PCDHA3: variants seen among roughly 807,000 people sequenced by gnomAD.
PCDHA3 encodes the protein protocadherin alpha 3.
PCDHA3 carries 41 observed loss-of-function variants against 62.2 expected under a neutral mutation model. That is an observed-to-expected ratio of 0.66 (90% CI 0.51 to 0.86). The LOEUF (loss-of-function observed/expected upper bound fraction) is 0.86. Among genes scored for constraint, PCDHA3 ranks in the 40% least tolerant of loss-of-function variants. PCDHA3 has a pLI of 0.00. For synonymous variants in PCDHA3, 640 were observed against 555.4 expected (o/e 1.15, Z -2.14); for missense variants, 1,304 against 1,241.2 (o/e 1.05, Z -0.76).
chr5:140,936,270 T>C (rs1367001317), intron 1 of PCDHA3, among the ~76,000 whole-genome samples: 1 of 152,226 alleles, frequency 6.6e-6, no homozygotes, highest in African/African-American at 2.4e-5. Flanking sequence ...GAAGATATAT[T>C]CCTGTGTTTT....
At chr5:140,974,009 A>C (rs1554235749) in intron 1 of PCDHA3, among the ~76,000 whole-genome samples, 2 of 152,236 alleles carry the variant, frequency 1.3e-5, no homozygotes, top group African/African-American at 4.8e-5. Flanking sequence ...TGTTTTGTGC[A>C]TGTGATAATA....
chr5:140,938,928 T>G (rs1220764640), intron 1 of PCDHA3, among the ~76,000 whole-genome samples: 2 of 152,104 alleles, frequency 1.3e-5, no homozygotes, highest in African/African-American at 4.8e-5. Flanking sequence ...AAATTGGCTT[T>G]TAACTTTCCA....
chr5:140,995,544 A>T (rs2097688289), intron 3 of PCDHA3, among the ~76,000 whole-genome samples: 1 of 152,234 alleles, frequency 6.6e-6, no homozygotes, highest in African/African-American at 2.4e-5. Context: ...ATAAGGGGCG[A>T]TCACTGTACT....
In PCDHA3 at chr5:140,849,729, G is replaced by A. The variant is rs1180272167; in HGVS notation, c.2394+46138G>A. On this transcript the variant is annotated intron_variant, in intron 1 of 3. Transcript: ENST00000522353. ...TTACTACTCGTTGGTGCTGGACAGA[G>A]CTCTGGACCGCGAGAGTGTGTCCGC... 5.6e-6 allele frequency: 9 copies of A among 1,598,378 alleles called. 1 individual carries two copies. Among genetic ancestry groups the A allele is most frequent in the Non-Finnish European group, 7.7e-6 (9 of 1,168,014 alleles).
chr5:140,851,763 C>T (rs1554145528), intron 1 of PCDHA3: 1 of 969,364 alleles, frequency 1.0e-6, no homozygotes, highest in Admixed American at 6.3e-5. Context: ...TAAAACATTA[C>T]CCTTATGAAT....
chr5:140,971,332 A>G (rs1229650076), intron 1 of PCDHA3, among the ~76,000 whole-genome samples: 3 of 152,242 alleles, frequency 2.0e-5, no homozygotes, highest in Non-Finnish European at 4.4e-5. Context: ...AAATTATTTC[A>G]GAAAGTGCTT....
chr5:140,946,844 G>A (rs189496185), intron 1 of PCDHA3, among the ~76,000 whole-genome samples: 5 of 151,386 alleles, frequency 3.3e-5, no homozygotes, highest in Non-Finnish European at 5.9e-5. Context: ...CAGTAGTAAG[G>A]AGGAGAGATT....
intron 1 of PCDHA3, chr5:140,859,925 A>T (rs1359267858): frequency 1.3e-5 from 2 of 152,068 alleles, no homozygotes; most frequent in African/African-American, 4.8e-5. Context: ...TAAGTAATAT[A>T]AAAAACTTAG....
intron 1 of PCDHA3, chr5:140,926,518 C>T (rs1584446348): frequency 4.9e-6 from 1 of 202,636 alleles, no homozygotes; most frequent in Non-Finnish European, 9.8e-6. Context: ...CAGGCTCCGC[C>T]CTGCGCCCGC....
chr5:140,807,484 C>G lies in PCDHA3; in HGVS notation c.2394+3893C>G, dbSNP rs782221460. The G allele has an allele frequency of 6.8e-6, 11 of 1,613,252 alleles. No individual in the cohort carries two copies. Among genetic ancestry groups the G allele is most frequent in the South Asian group, 2.2e-5 (2 of 91,034 alleles). On this transcript the variant is annotated intron_variant, in intron 1 of 3. Coordinates refer to ENST00000522353, the MANE Select transcript of PCDHA3 (RefSeq NM_018906.3). The stretch of plus-strand genomic sequence containing the variant: ...ACCGGGAGGAGCTGTGCCGGCGGAG[C>G]GCGGAGTGCAGCATCCACCTGGAGG...
At chr5:140,898,676 G>C (rs1478380529) in intron 1 of PCDHA3, among the ~76,000 whole-genome samples, 3 of 152,036 alleles carry the variant, frequency 2.0e-5, no homozygotes, top group African/African-American at 4.8e-5. Context: ...GTTGCGGGCT[G>C]TTTTTTGGTT....
chr5:140,875,040 T>G (rs1369679625), intron 1 of PCDHA3, among the ~76,000 whole-genome samples: 1 of 152,234 alleles, frequency 6.6e-6, no homozygotes, highest in East Asian at 1.9e-4. Context: ...ATTTGAAAGA[T>G]TTCTACTTTG....
rs782468691 is a variant in PCDHA3 at position 140,962,448 on chromosome 5, A to C, written c.2395-16501A>C. Reference sequence around the variant, plus strand: ...TGTTACTTATCCAAAGATGGCTTGAATCTCTTATGGCTTGAATCTCTTTGT... The same window carrying C: ...TGTTACTTATCCAAAGATGGCTTGACTCTCTTATGGCTTGAATCTCTTTGT... On this transcript the variant is annotated intron_variant, in intron 1 of 3. Coordinates refer to ENST00000522353, the MANE Select transcript of PCDHA3 (RefSeq NM_018906.3). Among the ~76,000 whole-genome samples the C allele has an allele frequency of 4.7e-4, 72 of 152,232 alleles. 1 individual carries two copies. The highest frequency in any genetic ancestry group is 6.8e-3 in the Middle Eastern group (2 of 294).
intron 1 of PCDHA3, chr5:140,858,518 A>G: frequency 7.0e-7 from 1 of 1,420,434 alleles, no homozygotes; most frequent in African/African-American, 1.4e-5. Context: ...TATGTATCAG[A>G]ATATTTCATT....
chr5:140,843,688 A>T lies in PCDHA3; in HGVS notation c.2394+40097A>T, dbSNP rs181500612. 24 of 1,588,306 alleles carry T rather than the reference A, an allele frequency of 1.5e-5. 1 individual carries two copies. In the East Asian group the frequency reaches 4.7e-4, roughly 31 times the overall value. On this transcript the variant is annotated intron_variant, in intron 1 of 3. Transcript: ENST00000522353. The stretch of plus-strand genomic sequence containing the variant: ...GATCAGTTGATGTAGGCGAAGAGCA[A>T]GATTTAAATGTTGATCATGGCCTCA...
At chr5:140,890,217 G>T (rs2153429721) in intron 1 of PCDHA3, among the ~76,000 whole-genome samples, 1 of 152,142 alleles carries the variant, frequency 6.6e-6, no homozygotes, top group South Asian at 2.1e-4. Context: ...TTTTCCCAGA[G>T]ACCTAGTTGT....
intron 1 of PCDHA3, among the ~76,000 whole-genome samples, chr5:140,949,007 A>T (rs1300926078): frequency 6.6e-6 from 1 of 151,692 alleles, no homozygotes; most frequent in Non-Finnish European, 1.5e-5. Flanking sequence ...TAATTTTTAT[A>T]TGTGATGTTT....
rs1040745756 is a variant in PCDHA3 at position 140,822,281 on chromosome 5, A to G, written c.2394+18690A>G. 27 of 1,614,142 alleles carry G rather than the reference A, an allele frequency of 1.7e-5. No homozygotes were observed. The highest frequency in any genetic ancestry group is 4.5e-5 in the East Asian group (2 of 44,900). On this transcript the variant is annotated intron_variant, in intron 1 of 3. Coordinates refer to ENST00000522353, the MANE Select transcript of PCDHA3 (RefSeq NM_018906.3). ...ATTGGAGCAAATGCACAATTGAGAT[A>G]CAGGTTAAATCCAAACGAATATTTT...
At chr5:140,977,342 T>A (rs1554238451) in intron 1 of PCDHA3, among the ~76,000 whole-genome samples, 1 of 152,222 alleles carries the variant, frequency 6.6e-6, no homozygotes, top group South Asian at 2.1e-4. Context: ...GAGACGGTGA[T>A]GATGACTGAT....
Sources: gnomAD v4.1 joint callset for allele counts (sites outside exome capture counted in the v4.1 genomes callset) on GRCh38, gnomAD v4.1.1 for gene constraint, MANE v1.5 for transcripts, NCBI Gene and HGNC (gene_info 2026-07-23, HGNC 2026-07-21) for gene names.